Variants in BSPH1 observed in about 807,000 individuals in gnomAD.
The protein encoded by BSPH1 is binder of sperm 1.
A neutral mutation model predicts 22.5 loss-of-function variants in BSPH1; 21 were observed. The ratio of observed to expected loss-of-function variants is 0.93; its 90% CI spans 0.66 to 1.35. BSPH1 has a LOEUF of 1.35. BSPH1 is among the 40% of genes most tolerant of loss of function. The probability of loss-of-function intolerance (pLI) is 0.00; values close to 1 mark genes in which losing one functional copy is unlikely to be tolerated. For synonymous variants in BSPH1, 42 were observed against 53.6 expected, an observed-to-expected ratio of 0.78 and a Z score of 0.95; for missense variants, 141 against 154.2, an observed-to-expected ratio of 0.91 and a Z score of 0.45.
chr19:47,973,756 A>G (rs1969333983), intron 5 of BSPH1, among the ~76,000 whole-genome samples: 1 of 152,154 alleles, frequency 6.6e-6, no homozygotes, highest in Non-Finnish European at 1.5e-5. Flanking sequence ...TGTTCCCGCC[A>G]CTGCTCTGAC....
chr19:47,976,648 T>A, intron 5 of BSPH1, 62 bp downstream of exon 5: 1 of 1,191,414 alleles, frequency 8.4e-7, no homozygotes, highest in African/African-American at 1.6e-5. Context: ...CAACAAAAAC[T>A]CTAGGTTCTT....
chr19:47,969,684 G>GGAGAGAGAGAGA (rs10589898), intron 5 of BSPH1, among the ~76,000 whole-genome samples: 1,474 of 113,796 alleles, frequency 0.013, 79 homozygotes, highest in African/African-American at 0.03. Context: ...AGGGAGAGGG[G>GGAGAGAGAGAGA]GAGAGAGAGA....
In BSPH1 at chr19:47,973,248, T is replaced by A. The variant is rs1295954972; in HGVS notation, c.*2+3462A>T. 1.3e-3 allele frequency among the ~76,000 whole-genome samples: 182 copies of A among 136,306 alleles called. 1 individual carries two copies. Among genetic ancestry groups the A allele is most frequent in the African/African-American group, 4.8e-3 (177 of 36,698 alleles). The allele number at this position is 136,306 out of a possible 152,430, so 89.4% of individuals were successfully genotyped here. On this transcript the variant is annotated intron_variant, in intron 5 of 5. Transcript: ENST00000344839. ...ATAATAATAATAATAATAATAATAATAATAATAATAATAATGTAGGCAGTA... is the reference window on the plus strand; with the variant it reads ...ATAATAATAATAATAATAATAATAAAAATAATAATAATAATGTAGGCAGTA...
chr19:47,971,125 G>A (rs914057422), intron 5 of BSPH1, among the ~76,000 whole-genome samples: 2 of 152,000 alleles, frequency 1.3e-5, no homozygotes, highest in African/African-American at 2.4e-5. Context: ...ATTATCACTG[G>A]GACCGTCCCT....
In BSPH1 at chr19:47,992,045, G is replaced by C. The variant is rs546690190; in HGVS notation, c.37C>G (p.Arg13Gly). The C allele has an allele frequency of 3.2e-6, 5 of 1,550,782 alleles. No individual in the cohort carries two copies. In the African/African-American group the frequency reaches 4.1e-5, roughly 13 times the overall value. Residue 13 changes from arginine (R) to glycine (G), a missense_variant, in exon 1 of 6, where the codon CGA (arginine) becomes GGA (glycine). Coordinates refer to ENST00000344839, the MANE Select transcript of BSPH1 (RefSeq NM_001128326.2). The stretch of plus-strand genomic sequence containing the variant: ...GGGAAGATGCAAGCTGAGGAATTTC[G>C]CGTCGTTTCCACGAAGAGAAGCATC... ...SLMLLFVETTRNSSACIFPVI... is the reference protein window; with the variant it reads ...SLMLLFVETTGNSSACIFPVI...
chr19:47,973,808 C>G (rs1969334349), intron 5 of BSPH1, among the ~76,000 whole-genome samples: 1 of 152,202 alleles, frequency 6.6e-6, no homozygotes, highest in Admixed American at 6.6e-5. Flanking sequence ...TTCCAATCTA[C>G]TGAGCCTCTA....
intron 5 of BSPH1, among the ~76,000 whole-genome samples, chr19:47,974,265 CTCTCTTTTT>C (rs1568395703): frequency 8.3e-6 from 1 of 120,110 alleles, no homozygotes. Context: ...TTCTCTCTCT[CTCTCTTTTT>C]TTTTTTTTTT....
chr19:47,983,705 C>G (rs1969440458), intron 1 of BSPH1, among the ~76,000 whole-genome samples: 1 of 152,116 alleles, frequency 6.6e-6, no homozygotes, highest in Admixed American at 6.6e-5. Flanking sequence ...AAGTACAATG[C>G]AACTGCAAAG....
chr19:47,976,738 C>T lies in BSPH1; in HGVS notation c.373G>A (p.Asp125Asn). 1 of 1,551,918 alleles carries T rather than the reference C, an allele frequency of 6.4e-7. No homozygotes were observed. The highest frequency in any genetic ancestry group is 1.2e-5 in the South Asian group (1 of 84,052). The change falls in exon 5 of 6, where the codon GAC (aspartate) becomes AAC (asparagine). Residue 125 changes from aspartate (D) to asparagine (N), a missense_variant. Coordinates refer to ENST00000344839, the MANE Select transcript of BSPH1 (RefSeq NM_001128326.2). Reference sequence around the variant, plus strand: ...CATTCACAGTATTTCCAAATTCGGTCCTTGTTAAAATTCTTGGTCAGTGAA... The same window carrying T: ...CATTCACAGTATTTCCAAATTCGGTTCTTGTTAAAATTCTTGGTCAGTGAA... Reference protein sequence around the residue: ...WCSLTKNFNKDRIWKYCE With the variant: ...WCSLTKNFNKNRIWKYCE
intron 1 of BSPH1, among the ~76,000 whole-genome samples, chr19:47,982,061 A>C: frequency 6.6e-6 from 1 of 152,202 alleles, no homozygotes; most frequent in East Asian, 1.9e-4. Context: ...AGAGTGAAAA[A>C]TTTGATTTTT....
intron 1 of BSPH1, among the ~76,000 whole-genome samples, chr19:47,986,420 T>C (rs1010830697): frequency 6.6e-6 from 1 of 152,130 alleles, no homozygotes; most frequent in Non-Finnish European, 1.5e-5. Context: ...GCCTCTGTGA[T>C]TGCTTCTTCC....
chr19:47,973,194 G>A (rs1272244828), intron 5 of BSPH1, among the ~76,000 whole-genome samples: 1 of 149,316 alleles, frequency 6.7e-6, no homozygotes, highest in Non-Finnish European at 1.5e-5. Flanking sequence ...TCCAGCCTGG[G>A]TGTCAGAGCG....
chr19:47,985,826 C>T (rs986114701), intron 1 of BSPH1, among the ~76,000 whole-genome samples: 3 of 121,808 alleles, frequency 2.5e-5, no homozygotes, highest in African/African-American at 3.5e-5. Flanking sequence ...CAGGGCAAGA[C>T]TTTGTCTAGA....
intron 5 of BSPH1, among the ~76,000 whole-genome samples, chr19:47,970,780 T>G (rs1191076438): frequency 6.6e-6 from 1 of 152,176 alleles, no homozygotes; most frequent in East Asian, 1.9e-4. Flanking sequence ...GTTAGCAGGA[T>G]GGATACAAGC....
At chr19:47,991,139 C>T (rs1215989650) in intron 1 of BSPH1, among the ~76,000 whole-genome samples, 1 of 152,120 alleles carries the variant, frequency 6.6e-6, no homozygotes, top group Admixed American at 6.6e-5. Context: ...ATGTGCAGGA[C>T]TCCGTCCCAG....
chr19:47,983,197 G>A (rs1477165158), intron 1 of BSPH1, among the ~76,000 whole-genome samples: 1 of 152,162 alleles, frequency 6.6e-6, no homozygotes, highest in East Asian at 1.9e-4. Context: ...CTAGTGCTAG[G>A]TTCTGGGCTA....
In BSPH1 at chr19:47,977,296, C is replaced by G. The variant is rs140447940; in HGVS notation, c.256+77G>C. ...GGCTATGGATTCTATTTTCAGAACC[C>G]TCTTGTGTTTTGCCTCAGATCCCAG... is the stretch of plus-strand genomic sequence containing the variant. On this transcript the variant is annotated intron_variant, in intron 4 of 5. Coordinates refer to ENST00000344839, the MANE Select transcript of BSPH1 (RefSeq NM_001128326.2). The G allele has an allele frequency of 5.5e-4, 611 of 1,108,150 alleles. 1 individual carries two copies. In the African/African-American group the frequency reaches 8.4e-3, roughly 15 times the overall value. 68.6% of individuals were successfully genotyped at this position (1,108,150 alleles called of 1,614,324 possible). A position where few individuals can be genotyped will look rare whatever the true frequency, so the allele number is the denominator to read the frequency against.
intron 5 of BSPH1, among the ~76,000 whole-genome samples, chr19:47,975,854 A>G (rs1460404997): frequency 6.6e-6 from 1 of 151,604 alleles, no homozygotes. Context: ...ACGGGGTTTC[A>G]CCGTGTTAGC....
chr19:47,989,225 AAC>A, intron 1 of BSPH1, among the ~76,000 whole-genome samples: 1 of 151,150 alleles, frequency 6.6e-6, no homozygotes, highest in South Asian at 2.1e-4. Flanking sequence ...AGGTCACTGC[AAC>A]CTCCGCCTCT....
Sources: allele counts gnomAD v4.1 joint callset (sites outside exome capture counted in the v4.1 genomes callset), GRCh38; gene constraint gnomAD v4.1.1; transcripts MANE v1.5; gene names NCBI Gene and HGNC (gene_info 2026-07-23, HGNC 2026-07-21).